Variants in CNTNAP5 observed in about 807,000 individuals in gnomAD.
CNTNAP5 encodes the protein contactin associated protein family member 5, also known as contactin-associated protein-like 5.
CNTNAP5 carries 72 observed loss-of-function variants against 150.2 expected under a neutral mutation model. That is an observed-to-expected ratio of 0.48 (90% CI 0.40 to 0.58). The LOEUF (loss-of-function observed/expected upper bound fraction) is 0.58. Ranked by LOEUF, CNTNAP5 falls within the 20% of genes least tolerant of loss-of-function variation. CNTNAP5 has a pLI of 0.00. For missense variants in CNTNAP5, 1,636 were observed against 1,626.2 expected (o/e 1.01, Z -0.10); for synonymous variants, 672 against 619.8 (o/e 1.08, Z -1.25).
At chr2:124,675,859 G>C (rs1001056770) in intron 13 of CNTNAP5, among the ~76,000 whole-genome samples, 1 of 151,694 alleles carries the variant, frequency 6.6e-6, no homozygotes, top group Non-Finnish European at 1.5e-5. Flanking sequence ...TCAACATTTG[G>C]TCTTCTTTAG....
At chr2:124,081,421 C>T (rs546628499) in intron 1 of CNTNAP5, among the ~76,000 whole-genome samples, 2 of 152,284 alleles carry the variant, frequency 1.3e-5, no homozygotes, top group South Asian at 2.1e-4. Flanking sequence ...TTCCTAACTG[C>T]TCACCATCCT....
In CNTNAP5 at chr2:124,874,587, A is replaced by AT. The variant is rs111577860; in HGVS notation, c.3436+4828dup. The stretch of plus-strand genomic sequence containing the variant: ...TTCTAAAATATATCAAGAAAATTTG[A>AT]TTTCAAAACAAAAACTACTATTGTT... On this transcript the variant is annotated intron_variant, in intron 21 of 23. Coordinates refer to ENST00000682447, the MANE Select transcript of CNTNAP5 (RefSeq NM_001367498.1). 4.1e-3 allele frequency among the ~76,000 whole-genome samples: 622 copies of AT among 152,062 alleles called. 3 individuals carry two copies. The highest frequency in any genetic ancestry group is 0.014 in the African/African-American group (578 of 41,508).
At chr2:124,040,615 A>G (rs1332593220) in intron 1 of CNTNAP5, among the ~76,000 whole-genome samples, 2 of 89,552 alleles carry the variant, frequency 2.2e-5, no homozygotes, top group African/African-American at 4.0e-5. Context: ...GTGCCTCTGT[A>G]TGCCTCTGTG....
intron 1 of CNTNAP5, among the ~76,000 whole-genome samples, chr2:124,188,003 A>G (rs115771138): frequency 0.017 from 2,625 of 152,278 alleles, 96 homozygotes; most frequent in African/African-American, 0.06. Context: ...AGTAGGGATG[A>G]GCACAAAAAT....
chr2:124,777,892 G>A (rs936803486), intron 17 of CNTNAP5, among the ~76,000 whole-genome samples: 4 of 151,788 alleles, frequency 2.6e-5, no homozygotes, highest in Non-Finnish European at 4.4e-5. Context: ...AGCTCAGAAA[G>A]AGAGGACCCG....
intron 13 of CNTNAP5, among the ~76,000 whole-genome samples, chr2:124,703,764 A>G (rs182953451): frequency 1.4e-3 from 207 of 152,280 alleles, no homozygotes; most frequent in African/African-American, 4.7e-3. Context: ...GCTGAGCCCC[A>G]AAGACGATAA....
chr2:124,542,995 A>C (rs116766412), intron 10 of CNTNAP5, among the ~76,000 whole-genome samples: 12 of 152,288 alleles, frequency 7.9e-5, no homozygotes, highest in African/African-American at 1.7e-4. Flanking sequence ...GGAGGTTGCT[A>C]TCCGAGATTT....
intron 13 of CNTNAP5, among the ~76,000 whole-genome samples, chr2:124,685,628 C>G (rs556658580): frequency 2.4e-4 from 36 of 152,042 alleles, no homozygotes; most frequent in Middle Eastern, 3.4e-3. Flanking sequence ...CTGCTTATAA[C>G]TGAGGTTTTT....
chr2:124,606,454 A>G (rs1020014296), intron 11 of CNTNAP5, among the ~76,000 whole-genome samples: 12 of 152,178 alleles, frequency 7.9e-5, no homozygotes, highest in Non-Finnish European at 4.4e-5. Flanking sequence ...ATGAAAAGTT[A>G]TTTCTGTGCA....
intron 13 of CNTNAP5, among the ~76,000 whole-genome samples, chr2:124,655,937 G>GAAAGAA (rs1553427772): frequency 4.4e-4 from 23 of 52,370 alleles, no homozygotes; most frequent in African/African-American, 1.1e-3. Context: ...GAGAGAGAGA[G>GAAAGAA]AGAGAGAGAG....
At chr2:124,302,828 A>T (rs1688597393) in intron 3 of CNTNAP5, among the ~76,000 whole-genome samples, 1 of 152,186 alleles carries the variant, frequency 6.6e-6, no homozygotes, top group African/African-American at 2.4e-5. Context: ...AAGAGTACTT[A>T]GTTTAGAAAG....
chr2:124,246,247 C>A (rs185920905), intron 3 of CNTNAP5, among the ~76,000 whole-genome samples: 2 of 152,110 alleles, frequency 1.3e-5, no homozygotes, highest in African/African-American at 2.4e-5. Flanking sequence ...TAAAAGGATA[C>A]CTTTGCAATG....
chr2:124,337,279 G>A (rs1402900335), intron 3 of CNTNAP5, among the ~76,000 whole-genome samples: 2 of 152,112 alleles, frequency 1.3e-5, no homozygotes, highest in African/African-American at 4.8e-5. Flanking sequence ...TTAGCCCTTT[G>A]TCAGATGAGT....
chr2:124,914,268 A>G lies in CNTNAP5; in HGVS notation c.3904A>G (p.Lys1302Glu). The G allele has an allele frequency of 1.2e-6, 2 of 1,611,616 alleles. No homozygotes were observed. The highest frequency in any genetic ancestry group is 1.7e-6 in the Non-Finnish European group (2 of 1,178,426). ...IDLQNTVSEC[K>E]REYFI ...CTTGCAAAACACAGTGAGCGAGTGT[A>G]AACGGGAATATTTCATCTGAGAAAC... Residue 1302 changes from lysine (K) to glutamate (E), a missense_variant, in exon 24 of 24, where the codon AAA becomes GAA. Lys to Glu is a moderately conservative substitution (Grantham distance 56). Coordinates refer to ENST00000682447, the MANE Select transcript of CNTNAP5 (RefSeq NM_001367498.1).
chr2:124,026,848 T>A (rs140273895), intron 1 of CNTNAP5, among the ~76,000 whole-genome samples: 2 of 152,328 alleles, frequency 1.3e-5, no homozygotes, highest in East Asian at 1.9e-4. Context: ...TAGGGACCTT[T>A]CTACCTCACT....
intron 1 of CNTNAP5, among the ~76,000 whole-genome samples, chr2:124,190,429 G>T (rs1464126279): frequency 6.6e-6 from 1 of 152,162 alleles, no homozygotes; most frequent in African/African-American, 2.4e-5. Flanking sequence ...TGTGTGAGTT[G>T]AGGACTCAAC....
chr2:124,846,205 T>C (rs2104698325), intron 19 of CNTNAP5, among the ~76,000 whole-genome samples: 1 of 152,268 alleles, frequency 6.6e-6, no homozygotes, highest in South Asian at 2.1e-4. Context: ...ATAGATATTG[T>C]CACTATTATG....
At chr2:124,641,356 G>C (rs142411616) in intron 12 of CNTNAP5, among the ~76,000 whole-genome samples, 31 of 152,158 alleles carry the variant, frequency 2.0e-4, no homozygotes, top group Admixed American at 3.3e-4. Flanking sequence ...CAGCCCTAAT[G>C]ATGACAAAGC....
intron 3 of CNTNAP5, among the ~76,000 whole-genome samples, chr2:124,317,783 A>G (rs1689003148): frequency 6.6e-6 from 1 of 152,194 alleles, no homozygotes; most frequent in Non-Finnish European, 1.5e-5. Flanking sequence ...TCAAATTCAC[A>G]AACAGACACA....
Sources: gnomAD v4.1 joint callset for allele counts (sites outside exome capture counted in the v4.1 genomes callset) on GRCh38, gnomAD v4.1.1 for gene constraint, MANE v1.5 for transcripts, NCBI Gene and HGNC (gene_info 2026-07-23, HGNC 2026-07-21) for gene names.